CASP8: variants seen among roughly 807,000 people sequenced by gnomAD.
CASP8 encodes caspase 8.
A neutral mutation model predicts 46.3 loss-of-function variants in CASP8; 24 were observed. The observed-to-expected ratio is 0.52, with a 90% confidence interval of 0.38 to 0.73. The LOEUF (loss-of-function observed/expected upper bound fraction) is 0.73. CASP8 is among the 30% of genes least tolerant of loss of function. The probability of loss-of-function intolerance (pLI) is 0.00; values close to 1 mark genes in which losing one functional copy is unlikely to be tolerated. For missense variants in CASP8, 460 were observed against 559.0 expected (o/e 0.82, Z 1.79); for synonymous variants, 188 against 200.4 (o/e 0.94, Z 0.52).
At chr2:201,280,920 G>A (rs898242006) in intron 7 of CASP8, among the ~76,000 whole-genome samples, 1 of 152,042 alleles carries the variant, frequency 6.6e-6, no homozygotes, top group African/African-American at 2.4e-5. Flanking sequence ...CAAAGCAGAT[G>A]AAAAAATAAT....
At chr2:201,265,981 G>GTTT (rs113734571) in intron 1 of CASP8, among the ~76,000 whole-genome samples, 3 of 138,918 alleles carry the variant, frequency 2.2e-5, no homozygotes, top group Admixed American at 7.1e-5. Context: ...TGTTTTTTGT[G>GTTT]TTTTTTTTTT....
At chr2:201,264,513 C>A (rs1347499062) in intron 1 of CASP8, among the ~76,000 whole-genome samples, 1 of 152,022 alleles carries the variant, frequency 6.6e-6, no homozygotes, top group Non-Finnish European at 1.5e-5. Flanking sequence ...ACTGCATTCC[C>A]AGGGCCTAGA....
intron 6 of CASP8, among the ~76,000 whole-genome samples, chr2:201,275,890 A>G (rs1948600386): frequency 6.6e-6 from 1 of 152,206 alleles, no homozygotes; most frequent in South Asian, 2.1e-4. Flanking sequence ...TTAGTGTCTT[A>G]GTATCTCAGT....
At chr2:201,253,911 G>A (rs541696980) in intron 2 of CASP8, among the ~76,000 whole-genome samples, 76 of 152,008 alleles carry the variant, frequency 5.0e-4, no homozygotes, top group South Asian at 1.0e-3. Flanking sequence ...GAGAAAACCC[G>A]TCTCTACTAA....
At chr2:201,283,809 C>T (rs1161185730) in intron 7 of CASP8, among the ~76,000 whole-genome samples, 1 of 49,870 alleles carries the variant, frequency 2.0e-5, no homozygotes, top group African/African-American at 6.5e-5. Context: ...GCTGGCCGGG[C>T]GGGGGGCTGA....
chr2:201,258,050 T>A (rs903544392), upstream of CASP8: 28 of 669,998 alleles, frequency 4.2e-5, no homozygotes, highest in Middle Eastern at 8.0e-4. Context: ...ATCTCTGTTC[T>A]GCTTTAGGAG....
upstream of CASP8, chr2:201,258,364 C>T (rs1947138527): frequency 6.2e-7 from 1 of 1,613,866 alleles, no homozygotes; most frequent in South Asian, 1.1e-5. Context: ...TGCGATGGTG[C>T]CAGGAAAGGG....
At chr2:201,282,205 T>C (rs1432735158) in intron 7 of CASP8, among the ~76,000 whole-genome samples, 23 of 48,646 alleles carry the variant, frequency 4.7e-4, no homozygotes, top group South Asian at 1.1e-3. Context: ...TTAATCCATT[T>C]AACCCTGAGT....
chr2:201,279,774 G>A (rs1249709356), intron 7 of CASP8, among the ~76,000 whole-genome samples: 1 of 152,162 alleles, frequency 6.6e-6, no homozygotes, highest in East Asian at 1.9e-4. Flanking sequence ...CCAACATGGT[G>A]AAACCCCATC....
At chr2:201,243,652 A>C (rs1376654139) in intron 2 of CASP8, among the ~76,000 whole-genome samples, 1 of 152,238 alleles carries the variant, frequency 6.6e-6, no homozygotes, top group Non-Finnish European at 1.5e-5. Context: ...TGAATTAGGA[A>C]GTTCTGGAGT....
At position 201,254,411 on chromosome 2, in the gene CASP8, G is replaced by A. The variant is rs1946924152; in HGVS notation, c.-26-12050G>A. ...AGAAAGGAATGAGATAGATGTGAAT[G>A]GAATCTGTTTTCCCTTCCCTTGCCA... On this transcript the variant is annotated intron_variant, in intron 2 of 6. Coordinates refer to the CASP8 transcript ENST00000264274. Among the ~76,000 whole-genome samples the A allele has an allele frequency of 2.0e-5, 3 of 152,354 alleles. No homozygotes were observed. In the South Asian group the frequency reaches 6.2e-4, roughly 32 times the overall value.
upstream of CASP8, chr2:201,258,516 C>G: frequency 9.8e-7 from 1 of 1,019,044 alleles, no homozygotes; most frequent in East Asian, 2.5e-5. Context: ...CCTCTGGGTG[C>G]TGCCTGGCCC....
intron 2 of CASP8, among the ~76,000 whole-genome samples, chr2:201,250,543 C>A (rs34612111): frequency 0.014 from 2,182 of 152,236 alleles, 26 homozygotes; most frequent in Non-Finnish European, 0.026. Context: ...GGGGAGGTGC[C>A]ACATATTTTT....
upstream of CASP8, among the ~76,000 whole-genome samples, chr2:201,256,784 T>A (rs190977556): frequency 8.5e-5 from 13 of 152,272 alleles, no homozygotes; most frequent in Non-Finnish European, 1.9e-4. Flanking sequence ...ATATAGGTAA[T>A]GTGTTATTGC....
intron 7 of CASP8, among the ~76,000 whole-genome samples, chr2:201,283,194 G>C (rs1278853737): frequency 1.3e-5 from 1 of 78,724 alleles, no homozygotes; most frequent in Non-Finnish European, 3.1e-5. Flanking sequence ...CTCACCTCCT[G>C]GACGGGGCGG....
chr2:201,246,078 G>T (rs546345735), intron 2 of CASP8, among the ~76,000 whole-genome samples: 8 of 152,188 alleles, frequency 5.3e-5, no homozygotes, highest in African/African-American at 1.7e-4. Flanking sequence ...TGTTGAGGCT[G>T]GTCTCGAACT....
At chr2:201,238,497 A>G (rs1946153449) in intron 2 of CASP8, among the ~76,000 whole-genome samples, 1 of 150,390 alleles carries the variant, frequency 6.6e-6, no homozygotes, top group African/African-American at 2.5e-5. Context: ...GCTGGAGTGC[A>G]GTGGCGTAAT....
Position 201,282,750 on chromosome 2 carries a change from T to C in CASP8, c.803-2066T>C, listed in dbSNP as rs1480915861. ...GCTGGCCGGGCAGAGGGGTCCTCAC[T>C]TCCCAGTAGGGGCGGCCCGGCAGAG... is the stretch of plus-strand genomic sequence containing the variant. On this transcript the variant is annotated intron_variant, in intron 7 of 8. Coordinates refer to ENST00000673742, the MANE Select transcript of CASP8 (RefSeq NM_001372051.1). 7.8e-4 allele frequency among the ~76,000 whole-genome samples: 55 copies of C among 70,112 alleles called. 8 individuals carry two copies. Among genetic ancestry groups the C allele is most frequent in the Admixed American group, 1.1e-4 (1 of 8,756 alleles). The allele number at this position is 70,112 out of a possible 152,430, so 46.0% of individuals were successfully genotyped here.
Position 201,276,827 on chromosome 2 carries a change from A to G in CASP8, c.661A>G (p.Thr221Ala), listed in dbSNP as rs771893401. ...CCTGGGTTGGGTTTTTGTTTTCCAG[A>G]CTTTGGACAAAGTTTACCAAATGAA... ...SPREQDSESQ[T>A]LDKVYQMKSK... is the part of the protein sequence containing the mutation. Residue 221 changes from threonine to alanine, a missense_variant and splice_region_variant, in exon 7 of 9, where the codon ACT (threonine) becomes GCT (alanine). By Grantham distance (58) the Thr-to-Ala change is moderately conservative (BLOSUM62 0). Coordinates refer to ENST00000673742, the MANE Select transcript of CASP8 (RefSeq NM_001372051.1). The G allele has an allele frequency of 3.7e-6, 6 of 1,614,116 alleles. No homozygotes were observed. In the Admixed American group the frequency reaches 1.0e-4, roughly 27 times the overall value.
Sources: allele counts gnomAD v4.1 joint callset (sites outside exome capture counted in the v4.1 genomes callset), GRCh38; gene constraint gnomAD v4.1.1; transcripts MANE v1.5; gene names NCBI Gene and HGNC (gene_info 2026-07-23, HGNC 2026-07-21).